The following ZNF557 variants were observed in gnomAD, a reference collection of about 807,000 sequenced individuals.
ZNF557 encodes the protein zinc finger protein 557, also known as CTB-25J19.9.
A neutral mutation model predicts 21.2 loss-of-function variants in ZNF557; 19 were observed. The observed-to-expected ratio is 0.90, with a 90% CI of 0.63 to 1.32. The LOEUF (loss-of-function observed/expected upper bound fraction) is 1.32, where lower values mean the gene tolerates loss of function less well. Ranked by LOEUF, ZNF557 falls within the 40% of genes most tolerant of loss-of-function variation. The pLI is 0.00. For missense variants in ZNF557, 487 were observed against 519.8 expected (o/e 0.94, Z 0.61); for synonymous variants, 207 against 194.8 (o/e 1.06, Z -0.52).
chr19:7,082,908 G>T lies in ZNF557; in HGVS notation c.457G>T (p.Glu153Ter). ...ERNHLGATLN[E>*]CNQCFKVFST... The stretch of plus-strand genomic sequence containing the variant: ...GAATCATCTTGGAGCAACACTCAAC[G>T]AATGTAATCAGTGTTTTAAAGTCTT... Residue 153 changes from glutamate (E) to a stop codon, truncating the protein, a stop_gained, in exon 8 of 8, where the codon GAA (glutamate) becomes TAA (stop). Transcript: ENST00000252840. LOFTEE classifies it low-confidence loss of function (END_TRUNC). 1.3e-6 allele frequency: 2 copies of T among 1,599,950 alleles called. No homozygotes were observed. Among genetic ancestry groups the T allele is most frequent in the Non-Finnish European group, 1.7e-6 (2 of 1,171,890 alleles).
rs1977879398 is a variant in ZNF557 at position 7,087,227 on chromosome 19, C to CCT, written c.*3483_*3484insCT. 3.5e-5 allele frequency: 2 copies of CCT among 57,626 alleles called. No individual in the cohort carries two copies. Among genetic ancestry groups the CCT allele is most frequent in the Admixed American group, 2.2e-4 (1 of 4,552 alleles). The allele number at this position is 57,626 out of a possible 1,614,324, so 3.6% of individuals were successfully genotyped here. A position where few individuals can be genotyped will look rare whatever the true frequency, so the allele number is the denominator to read the frequency against. Reference sequence around the variant, plus strand: ...CTTTTTTTTTTTTTTTTTTTTTTTTCTTCACTGTGGTGATAAAAACCACAG... The same window carrying CCT: ...CTTTTTTTTTTTTTTTTTTTTTTTTCCTTTCACTGTGGTGATAAAAACCACAG... On this transcript the variant is annotated 3_prime_UTR_variant, in exon 8 of 8. Coordinates refer to ENST00000252840, the MANE Select transcript of ZNF557 (RefSeq NM_024341.3).
At chr19:7,076,590 G>A (rs1977591760) in intron 5 of ZNF557, 83 bp downstream of exon 5, 2 of 1,538,510 alleles carry the variant, frequency 1.3e-6, no homozygotes, top group Non-Finnish European at 1.7e-6. Context: ...AGGTAACACA[G>A]GACACAAAAG....
chr19:7,082,177 A>C (rs1216926758), intron 7 of ZNF557, 125 bp downstream of exon 7: 1 of 674,838 alleles, frequency 1.5e-6, no homozygotes, highest in African/African-American at 2.2e-5. Context: ...GCACCTTGGG[A>C]AGCTGAGGCA....
At chr19:7,082,112 A>T in intron 7 of ZNF557, 60 bp downstream of exon 7, 1 of 1,396,106 alleles carries the variant, frequency 7.2e-7, no homozygotes, top group Non-Finnish European at 1.0e-6. Context: ...ACATGAGAAA[A>T]GCCACAAGGA....
In ZNF557 at chr19:7,075,064, G is replaced by T; in HGVS notation, c.-11G>T. ...GCTTCCCGGCTGCCCTGTTGCTGTC[G>T]GAGTCACAGGATGGCGGCTGTCGTC... is the stretch of plus-strand genomic sequence containing the variant. On this transcript the variant is annotated 5_prime_UTR_variant, in exon 3 of 8. Transcript: ENST00000252840. The T allele has an allele frequency of 1.2e-6, 2 of 1,614,124 alleles. No homozygotes were observed. Among genetic ancestry groups the T allele is most frequent in the Non-Finnish European group, 1.7e-6 (2 of 1,180,010 alleles).
Position 7,076,407 on chromosome 19 carries a change from C to A in ZNF557, c.147C>A (p.Ala49=), listed in dbSNP as rs2303796. 0.014 allele frequency: 22,346 copies of A among 1,614,082 alleles called. 1,377 individuals carry two copies. In the East Asian group the frequency reaches 0.2, roughly 14 times the overall value. The change falls in exon 5 of 8, where the codon GCC becomes GCA. Residue 49 remains alanine, a synonymous_variant. Coordinates refer to ENST00000252840, the MANE Select transcript of ZNF557 (RefSeq NM_024341.3). Reference sequence around the variant, plus strand: ...GCTTGGTGACCTTTGAGGATGTGGCCGTGGAGTTCACCCAGGAGGAGTGGG... The same window carrying A: ...GCTTGGTGACCTTTGAGGATGTGGCAGTGGAGTTCACCCAGGAGGAGTGGG... ...LKGLVTFEDV[A]VEFTQEEWAL... is the part of the protein sequence containing the mutation.
At chr19:7,082,294 G>A (rs965589006) in intron 7 of ZNF557, among the ~76,000 whole-genome samples, 15 of 151,968 alleles carry the variant, frequency 9.9e-5, no homozygotes, top group African/African-American at 2.4e-4. Flanking sequence ...GTGGTGATGC[G>A]CACCTGTAAT....
intron 5 of ZNF557, 50 bp downstream of exon 5, chr19:7,076,557 C>CT (rs760879867): frequency 1.0e-5 from 16 of 1,574,850 alleles, no homozygotes; most frequent in African/African-American, 4.1e-5. Flanking sequence ...GGAAGTCAGT[C>CT]TTTTTTTTCT....
chr19:7,083,795 C>T lies in ZNF557; in HGVS notation c.*51C>T. On this transcript the variant is annotated 3_prime_UTR_variant, in exon 8 of 8. Coordinates refer to ENST00000252840, the MANE Select transcript of ZNF557 (RefSeq NM_024341.3). ...CATTGATCTTTCATGCCTCAGATAACATGAGCAAACTCTAACAAGATGTAT... is the reference window on the plus strand; with the variant it reads ...CATTGATCTTTCATGCCTCAGATAATATGAGCAAACTCTAACAAGATGTAT... The T allele has an allele frequency of 6.5e-7, 1 of 1,540,614 alleles. No homozygotes were observed. The highest frequency in any genetic ancestry group is 1.4e-5 in the African/African-American group (1 of 72,756).
At chr19:7,076,556 TC>T (rs750316856) in intron 5 of ZNF557, 49 bp downstream of exon 5, 1 of 1,575,794 alleles carries the variant, frequency 6.3e-7, no homozygotes, top group South Asian at 1.2e-5. Context: ...AGGAAGTCAG[TC>T]TTTTTTTTCT....
Position 7,086,510 on chromosome 19 carries a change from CAT to C in ZNF557, c.*2767_*2768del, listed in dbSNP as rs1447230873. 2 of 151,268 alleles carry C rather than the reference CAT, an allele frequency of 1.3e-5. No homozygotes were observed. Among genetic ancestry groups the C allele is most frequent in the Non-Finnish European group, 2.9e-5 (2 of 67,896 alleles). 9.4% of individuals were successfully genotyped at this position (151,268 alleles called of 1,614,324 possible). On this transcript the variant is annotated 3_prime_UTR_variant, in exon 8 of 8. Coordinates refer to ENST00000252840, the MANE Select transcript of ZNF557 (RefSeq NM_024341.3). ...CCGAGTAGCTGGGACTACAGGTGCC[CAT>C]CACCATGCCCGGCTAATTTTTCATA...
At chr19:7,073,784 C>T (rs905638737) in intron 2 of ZNF557, among the ~76,000 whole-genome samples, 2 of 152,106 alleles carry the variant, frequency 1.3e-5, no homozygotes, top group African/African-American at 4.8e-5. Flanking sequence ...AGGATAAATT[C>T]CCTGGGCAAG....
In ZNF557 at chr19:7,082,986, C is replaced by G; in HGVS notation, c.535C>G (p.Pro179Ala). ...CAGGAAGATTCATACTGGAGAAAGA[C>G]CCTATGGCTGCAGTGAATGTGGGAA... ...RHRKIHTGERPYGCSECGKSY... is the reference protein window; with the variant it reads ...RHRKIHTGERAYGCSECGKSY... Residue 179 changes from proline to alanine, a missense_variant, in exon 8 of 8, where the codon CCC becomes GCC. Transcript: ENST00000252840. 6.2e-7 allele frequency: 1 copy of G among 1,614,186 alleles called. No individual in the cohort carries two copies. Among genetic ancestry groups the G allele is most frequent in the Non-Finnish European group, 8.5e-7 (1 of 1,180,022 alleles).
At chr19:7,082,104 A>T in intron 7 of ZNF557, 52 bp downstream of exon 7, 2 of 1,453,498 alleles carry the variant, frequency 1.4e-6, no homozygotes. Context: ...AATGCCCTAC[A>T]TGAGAAAAGC....
At chr19:7,070,981 G>A (rs532555457) in intron 2 of ZNF557, among the ~76,000 whole-genome samples, 4 of 152,178 alleles carry the variant, frequency 2.6e-5, no homozygotes, top group African/African-American at 9.6e-5. Context: ...GGCCAGGCTG[G>A]TCTCGAACTC....
intron 2 of ZNF557, 64 bp from the exon 3 acceptor site, chr19:7,074,932 G>T: frequency 7.2e-7 from 1 of 1,384,136 alleles, no homozygotes; most frequent in South Asian, 1.2e-5. Context: ...GAGACGGGGT[G>T]ACCGACGCAG....
chr19:7,083,965 G>A lies in ZNF557; in HGVS notation c.*221G>A. On this transcript the variant is annotated 3_prime_UTR_variant, in exon 8 of 8. Transcript: ENST00000252840. ...CTTCAGGATATCTCAAGAGGTTACA[G>A]TCCAGATGTCAGCAGAACTGTAATC... 1 of 521,050 alleles carries A rather than the reference G, an allele frequency of 1.9e-6. No individual in the cohort carries two copies. Among genetic ancestry groups the A allele is most frequent in the South Asian group, 2.2e-5 (1 of 44,700 alleles). The allele number at this position is 521,050 out of a possible 1,614,324, so 32.3% of individuals were successfully genotyped here.
chr19:7,085,613 T>C lies in ZNF557; in HGVS notation c.*1869T>C, dbSNP rs1042516380. 6.6e-6 allele frequency: 1 copy of C among 152,174 alleles called. No homozygotes were observed. The highest frequency in any genetic ancestry group is 2.4e-5 in the African/African-American group (1 of 41,442). 9.4% of individuals were successfully genotyped at this position (152,174 alleles called of 1,614,324 possible). ...ATTCCTCCCTTTATGCATGAGAGAA[T>C]TCATTTAGAGGAAGCCCTAGGAACG... On this transcript the variant is annotated 3_prime_UTR_variant, in exon 8 of 8. Transcript: ENST00000252840.
At position 7,076,432 on chromosome 19, in the gene ZNF557, G is replaced by A. The variant is rs1977588724; in HGVS notation, c.172G>A (p.Ala58Thr). Residue 58 changes from alanine (A) to threonine (T), a missense_variant, in exon 5 of 8, where the codon GCA (alanine) becomes ACA (threonine). By Grantham distance (58) the Ala-to-Thr change is moderately conservative. Transcript: ENST00000252840. ...VAVEFTQEEW[A>T]LLDPAQRTLY... ...CGTGGAGTTCACCCAGGAGGAGTGG[G>A]CATTGCTGGACCCTGCCCAAAGGAC... 1 of 1,614,096 alleles carries A rather than the reference G, an allele frequency of 6.2e-7. No homozygotes were observed.
Sources: allele counts gnomAD v4.1 joint callset (sites outside exome capture counted in the v4.1 genomes callset), GRCh38; gene constraint gnomAD v4.1.1; transcripts MANE v1.5; gene names NCBI Gene and HGNC (gene_info 2026-07-23, HGNC 2026-07-21).